The following VDAC3 variants were observed in gnomAD, a reference collection of about 807,000 sequenced individuals.
VDAC3 encodes the protein non-selective voltage-gated ion channel VDAC3.
In VDAC3, 7 loss-of-function variants were observed where a neutral mutation model predicts 33.9. The observed-to-expected ratio is 0.21, with a 90% CI of 0.12 to 0.39. The LOEUF is 0.39. Among genes scored for constraint, VDAC3 ranks in the 10% least tolerant of loss-of-function variants. The probability of loss-of-function intolerance (pLI) is 1.00; values close to 1 mark genes in which losing one functional copy is unlikely to be tolerated. For synonymous variants in VDAC3, 100 were observed against 122.4 expected, an observed-to-expected ratio of 0.82 and a Z score of 1.21; for missense variants, 261 against 334.5, an observed-to-expected ratio of 0.78 and a Z score of 1.71.
chr8:42,396,769 C>T, intron 4 of VDAC3: 1 of 651,338 alleles, frequency 1.5e-6, no homozygotes, highest in Non-Finnish European at 2.7e-6. Flanking sequence ...ATCATTGTTC[C>T]AAATTTCTTA....
chr8:42,404,376 G>C (rs749472166), intron 8 of VDAC3, among the ~76,000 whole-genome samples: 3 of 152,170 alleles, frequency 2.0e-5, no homozygotes, highest in African/African-American at 4.8e-5. Flanking sequence ...TTGAGGCCTT[G>C]AAGCATGCAT....
chr8:42,392,441 C>T (rs1824886755), intron 1 of VDAC3, among the ~76,000 whole-genome samples: 2 of 152,232 alleles, frequency 1.3e-5, no homozygotes, highest in South Asian at 4.1e-4. Flanking sequence ...GTGTGCACAT[C>T]TATGGGCAGG....
chr8:42,399,695 G>T lies in VDAC3; in HGVS notation c.315G>T (p.Pro105=), dbSNP rs199738743. 410 of 1,611,260 alleles carry T rather than the reference G, an allele frequency of 2.5e-4. No individual in the cohort carries two copies. The highest frequency in any genetic ancestry group is 3.4e-4 in the Non-Finnish European group (399 of 1,178,488). ...TGACTCTTGATACCATATTTGTACC[G>T]AACACAGGGTAATTATTCAAATCCC... ...LKLTLDTIFV[P]NTGKKSGKLK... is the part of the protein sequence containing the mutation. Residue 105 remains proline (P), a synonymous_variant, in exon 6 of 10, where the codon CCG becomes CCT. Coordinates refer to ENST00000022615, the MANE Select transcript of VDAC3 (RefSeq NM_005662.7).
At position 42,405,469 on chromosome 8, in the gene VDAC3, T is replaced by G. The variant is rs1802482919; in HGVS notation, c.*7T>G. On this transcript the variant is annotated 3_prime_UTR_variant, in exon 10 of 10. Transcript: ENST00000022615. ...ATTTGAACTGGAAGCTTAATGTGGT[T>G]TGAGGAAAGCATCAGATTTGTCCCT... 3.2e-5 allele frequency: 52 copies of G among 1,610,328 alleles called. No homozygotes were observed. Among genetic ancestry groups the G allele is most frequent in the Non-Finnish European group, 4.3e-5 (51 of 1,178,356 alleles).
At chr8:42,398,893 A>T in intron 5 of VDAC3, 29 bp downstream of exon 5, 1 of 1,609,524 alleles carries the variant, frequency 6.2e-7, no homozygotes, top group Non-Finnish European at 8.5e-7. Flanking sequence ...AGTTATTCAT[A>T]GGTTCAATTT....
chr8:42,392,256 C>T (rs1402401433), intron 1 of VDAC3, among the ~76,000 whole-genome samples: 1 of 152,232 alleles, frequency 6.6e-6, no homozygotes, highest in Non-Finnish European at 1.5e-5. Flanking sequence ...CACCCATCTC[C>T]CGCCCGCCCC....
At chr8:42,394,872 A>T (rs1235170166) in intron 3 of VDAC3, among the ~76,000 whole-genome samples, 2 of 152,182 alleles carry the variant, frequency 1.3e-5, no homozygotes, top group Admixed American at 1.3e-4. Context: ...CTTACATTTT[A>T]AAAGTATATC....
chr8:42,403,862 A>G (rs1297290813), intron 8 of VDAC3, among the ~76,000 whole-genome samples: 1 of 146,812 alleles, frequency 6.8e-6, no homozygotes, highest in African/African-American at 2.6e-5. Context: ...TGGGTGACAG[A>G]GCGAGAGCCT....
chr8:42,405,555 A>C lies in VDAC3; in HGVS notation c.*93A>C. On this transcript the variant is annotated 3_prime_UTR_variant, in exon 10 of 10. Coordinates refer to ENST00000022615, the MANE Select transcript of VDAC3 (RefSeq NM_005662.7). ...CTTAAAATTCTTCTGTGAAATTTCA[A>C]AAGTGTGAACTTTTTATTCTTCCAA... is the stretch of plus-strand genomic sequence containing the variant. The C allele has an allele frequency of 9.0e-7, 1 of 1,107,748 alleles. No homozygotes were observed. Among genetic ancestry groups the C allele is most frequent in the South Asian group, 1.4e-5 (1 of 72,674 alleles). The allele number at this position is 1,107,748 out of a possible 1,614,324, so 68.6% of individuals were successfully genotyped here.
At position 42,394,222 on chromosome 8, in the gene VDAC3, C is replaced by T. The variant is rs762063383; in HGVS notation, c.11C>T (p.Thr4Ile). The T allele has an allele frequency of 6.2e-7, 1 of 1,613,656 alleles. No individual in the cohort carries two copies. Among genetic ancestry groups the T allele is most frequent in the Non-Finnish European group, 8.5e-7 (1 of 1,179,728 alleles). ...TTTTCTTTATAAGATATGTGTAACA[C>T]ACCAACGTACTGTGACCTAGGAAAG... MCN[T>I]PTYCDLGKAA... Residue 4 changes from threonine to isoleucine, a missense_variant, in exon 3 of 10, where the codon ACA becomes ATA. Physicochemically the swap from Thr to Ile is moderately conservative, Grantham distance 89. Coordinates refer to ENST00000022615, the MANE Select transcript of VDAC3 (RefSeq NM_005662.7).
intron 5 of VDAC3, among the ~76,000 whole-genome samples, chr8:42,399,065 C>A (rs544200604): frequency 1.3e-5 from 2 of 151,880 alleles, no homozygotes; most frequent in Non-Finnish European, 2.9e-5. Flanking sequence ...TATATTACAT[C>A]TTTGTTCTGA....
At chr8:42,403,505 C>CT (rs756292701) in intron 8 of VDAC3, 44 bp downstream of exon 8, 29 of 1,507,976 alleles carry the variant, frequency 1.9e-5, no homozygotes, top group Non-Finnish European at 2.4e-5. Context: ...ATGTTTGTGT[C>CT]TAAGTTTTCA....
Position 42,403,420 on chromosome 8 carries a change from A to G in VDAC3, c.661A>G (p.Ile221Val), listed in dbSNP as rs1380394476. 1 of 1,609,488 alleles carries G rather than the reference A, an allele frequency of 6.2e-7. No homozygotes were observed. The highest frequency in any genetic ancestry group is 1.7e-5 in the Admixed American group (1 of 58,952). The change falls in exon 8 of 10, where the codon ATT becomes GTT. Residue 221 changes from isoleucine to valine, a missense_variant. Physicochemically the swap from Ile to Val is conservative, Grantham distance 29. Transcript: ENST00000022615. Reference sequence around the variant, plus strand: ...TGGGAGTAACAACACCCGTTTTGGCATTGCTGCTAAGTACATGCTGGATTG... The same window carrying G: ...TGGGAGTAACAACACCCGTTTTGGCGTTGCTGCTAAGTACATGCTGGATTG... Reference protein sequence around the residue: ...TAGSNNTRFGIAAKYMLDCRT... With the variant: ...TAGSNNTRFGVAAKYMLDCRT...
rs117893606 is a variant in VDAC3 at position 42,396,576 on chromosome 8, G to C, written c.117+1443G>C. 5.0e-5 allele frequency: 33 copies of C among 663,064 alleles called. No individual in the cohort carries two copies. The East Asian group carries it at 8.7e-4, about 17-fold the overall frequency. The allele number at this position is 663,064 out of a possible 1,614,324, so 41.1% of individuals were successfully genotyped here. ...AAAATAGAAGAATCATTCTCATTTTGTGTAGGTTCCAGAATTTGCTCATTA... is the reference window on the plus strand; with the variant it reads ...AAAATAGAAGAATCATTCTCATTTTCTGTAGGTTCCAGAATTTGCTCATTA... On this transcript the variant is annotated intron_variant, in intron 4 of 9. Transcript: ENST00000022615.
At chr8:42,402,118 G>A in intron 7 of VDAC3, 103 bp downstream of exon 7, 1 of 1,227,832 alleles carries the variant, frequency 8.1e-7, no homozygotes. Context: ...GCATGCCTTG[G>A]TGAATATCCA....
At position 42,399,718 on chromosome 8, in the gene VDAC3, C is replaced by G; in HGVS notation, c.323+15C>G. ...CCGAACACAGGGTAATTATTCAAAT[C>G]CCATTTCCTGAAACGTTTTTGGAGC... On this transcript the variant is annotated intron_variant, in intron 6 of 9. Transcript: ENST00000022615. 6.2e-7 allele frequency: 1 copy of G among 1,610,440 alleles called. No homozygotes were observed. The highest frequency in any genetic ancestry group is 8.5e-7 in the Non-Finnish European group (1 of 1,177,858).
chr8:42,403,609 C>A, intron 8 of VDAC3, 148 bp downstream of exon 8: 1 of 929,820 alleles, frequency 1.1e-6, no homozygotes, highest in Non-Finnish European at 1.5e-6. Flanking sequence ...TGTGGCCAGG[C>A]TCACGCCTGT....
intron 4 of VDAC3, 164 bp downstream of exon 4, chr8:42,395,297 C>A: frequency 1.6e-6 from 1 of 642,850 alleles, no homozygotes; most frequent in Non-Finnish European, 1.9e-6. Flanking sequence ...AATAAACAAC[C>A]AAGTTGAATT....
chr8:42,394,355 A>G (rs2130885427), intron 3 of VDAC3, 77 bp downstream of exon 3: 10 of 1,250,314 alleles, frequency 8.0e-6, no homozygotes, highest in Non-Finnish European at 1.1e-5. Context: ...ATACTGTGTT[A>G]GTAAAATAAG....
Sources: gnomAD v4.1 joint callset for allele counts (sites outside exome capture counted in the v4.1 genomes callset) on GRCh38, gnomAD v4.1.1 for gene constraint, MANE v1.5 for transcripts, NCBI Gene and HGNC (gene_info 2026-07-23, HGNC 2026-07-21) for gene names.